SGCZ: variants seen among roughly 807,000 people sequenced by gnomAD.
The protein encoded by SGCZ is sarcoglycan zeta, also known as zeta-sarcoglycan.
Under a neutral mutation model 41.3 loss-of-function variants are expected in SGCZ, and 40 were observed. The ratio of observed to expected loss-of-function variants is 0.97; its 90% CI spans 0.75 to 1.26. The LOEUF (loss-of-function observed/expected upper bound fraction) is 1.26. Ranked by LOEUF, SGCZ falls within the 50% of genes most tolerant of loss-of-function variation. The probability of loss-of-function intolerance (pLI) is 0.00; values close to 1 mark genes in which losing one functional copy is unlikely to be tolerated. For missense variants in SGCZ, 552 were observed against 369.8 expected, an observed-to-expected ratio of 1.49 and a Z score of -4.04; for synonymous variants, 206 against 137.5, an observed-to-expected ratio of 1.50 and a Z score of -3.49.
intron 1 of SGCZ, among the ~76,000 whole-genome samples, chr8:14,928,884 C>A (rs1585387191): frequency 6.6e-6 from 1 of 151,996 alleles, no homozygotes; most frequent in Admixed American, 6.6e-5. Context: ...CCTATTATAC[C>A]ATCTCTCAAA....
chr8:15,203,316 C>T (rs1414703720), intron 1 of SGCZ, among the ~76,000 whole-genome samples: 1 of 151,998 alleles, frequency 6.6e-6, no homozygotes, highest in Non-Finnish European at 1.5e-5. Context: ...TCTATTTCTC[C>T]TGGGATAACA....
chr8:15,120,247 T>C (rs1228933983), intron 1 of SGCZ, among the ~76,000 whole-genome samples: 3 of 152,248 alleles, frequency 2.0e-5, no homozygotes, highest in African/African-American at 7.2e-5. Flanking sequence ...CTTGGGATTG[T>C]TATATTTCAA....
intron 2 of SGCZ, among the ~76,000 whole-genome samples, chr8:14,489,915 G>T (rs1439264317): frequency 1.4e-5 from 2 of 143,238 alleles, no homozygotes; most frequent in Non-Finnish European, 3.0e-5. Context: ...CGCCCAGACT[G>T]GAGTACAAGT....
chr8:14,539,417 A>T (rs575873888), intron 2 of SGCZ, among the ~76,000 whole-genome samples: 1 of 152,104 alleles, frequency 6.6e-6, no homozygotes, highest in South Asian at 2.1e-4. Flanking sequence ...GGGGTCAGGG[A>T]AGGCTAGGGA....
intron 2 of SGCZ, among the ~76,000 whole-genome samples, chr8:14,327,037 T>C (rs993905603): frequency 3.3e-5 from 5 of 152,168 alleles, no homozygotes; most frequent in Admixed American, 3.3e-4. Flanking sequence ...ATTTTTCTCA[T>C]TGAAGCATGA....
intron 5 of SGCZ, among the ~76,000 whole-genome samples, chr8:14,140,433 C>A (rs1298991197): frequency 6.6e-6 from 1 of 152,158 alleles, no homozygotes; most frequent in Non-Finnish European, 1.5e-5. Context: ...ATCATCTCAG[C>A]CCAAAATCTC....
At chr8:14,970,214 G>A (rs903735085) in intron 1 of SGCZ, among the ~76,000 whole-genome samples, 2 of 151,998 alleles carry the variant, frequency 1.3e-5, no homozygotes, top group Non-Finnish European at 2.9e-5. Context: ...GTTTACTTTT[G>A]TTATTGTTGA....
rs557716037 is a variant in SGCZ, at chr8:15,195,647, C to A, written c.39+41938G>T. 1.1e-4 allele frequency among the ~76,000 whole-genome samples: 17 copies of A among 152,242 alleles called. No individual in the cohort carries two copies. The South Asian group carries it at 3.5e-3, about 32-fold the overall frequency. ...AGTGTGCCACCCCAGTGAAATACTT[C>A]TATAAGGCAACTAAACGTCTCTCTG... On this transcript the variant is annotated intron_variant, in intron 1 of 7. Transcript: ENST00000382080.
chr8:15,231,358 C>A (rs1483517279), intron 1 of SGCZ, among the ~76,000 whole-genome samples: 1 of 152,050 alleles, frequency 6.6e-6, no homozygotes, highest in African/African-American at 2.4e-5. Context: ...ATTTTTCAGT[C>A]AACGTACAAA....
At chr8:14,367,426 C>T (rs905196324) in intron 2 of SGCZ, among the ~76,000 whole-genome samples, 2 of 152,076 alleles carry the variant, frequency 1.3e-5, no homozygotes, top group Non-Finnish European at 2.9e-5. Context: ...TGAGCTCTCT[C>T]TATAGCAGCA....
intron 5 of SGCZ, among the ~76,000 whole-genome samples, chr8:14,153,255 T>G (rs1803765589): frequency 6.6e-6 from 1 of 152,236 alleles, no homozygotes; most frequent in Non-Finnish European, 1.5e-5. Context: ...TTATAATCAG[T>G]GTTTAGGTAG....
At chr8:14,103,194 G>T (rs1445258855) in intron 6 of SGCZ, among the ~76,000 whole-genome samples, 2 of 152,170 alleles carry the variant, frequency 1.3e-5, no homozygotes, top group Non-Finnish European at 1.5e-5. Flanking sequence ...ACATAAATTA[G>T]GAGGGCAAGA....
intron 1 of SGCZ, among the ~76,000 whole-genome samples, chr8:14,716,320 GC>G (rs561390336): frequency 3.0e-4 from 45 of 152,052 alleles, no homozygotes; most frequent in Non-Finnish European, 6.0e-4. Context: ...AACAATGAGA[GC>G]AAAATCATAA....
At chr8:14,981,092 C>T (rs1282601654) in intron 1 of SGCZ, among the ~76,000 whole-genome samples, 2 of 152,106 alleles carry the variant, frequency 1.3e-5, no homozygotes, top group Non-Finnish European at 2.9e-5. Flanking sequence ...TCAGAAATCT[C>T]CTACCAACTC....
intron 1 of SGCZ, among the ~76,000 whole-genome samples, chr8:14,595,449 C>T (rs1003485570): frequency 2.2e-5 from 3 of 134,694 alleles, no homozygotes; most frequent in African/African-American, 7.9e-5. Flanking sequence ...ACACCATGTA[C>T]TGATGGGTGG....
intron 2 of SGCZ, among the ~76,000 whole-genome samples, chr8:14,540,116 C>T (rs1213373213): frequency 6.6e-6 from 1 of 151,446 alleles, no homozygotes; most frequent in Non-Finnish European, 1.5e-5. Context: ...CAGAGAAGGT[C>T]CTTTGTGTAT....
intron 1 of SGCZ, among the ~76,000 whole-genome samples, chr8:14,904,501 A>C (rs1799067214): frequency 6.6e-6 from 1 of 152,070 alleles, no homozygotes; most frequent in Non-Finnish European, 1.5e-5. Flanking sequence ...TATTTCTGTA[A>C]ACTAGAAGCA....
intron 2 of SGCZ, among the ~76,000 whole-genome samples, chr8:14,529,351 A>T (rs11996763): frequency 0.035 from 5,329 of 152,200 alleles, 310 homozygotes; most frequent in African/African-American, 0.12. Flanking sequence ...CCTGCTGACT[A>T]CAATTTTACC....
In SGCZ at chr8:15,083,959, T is replaced by C. The variant is rs536517965; in HGVS notation, c.39+153626A>G. Reference sequence around the variant, plus strand: ...CTTGACTTTTAAGATTGCTGCGTTCTAGTCCTTTACATTCAGTTATCATTT... The same window carrying C: ...CTTGACTTTTAAGATTGCTGCGTTCCAGTCCTTTACATTCAGTTATCATTT... On this transcript the variant is annotated intron_variant, in intron 1 of 7. Coordinates refer to ENST00000382080, the MANE Select transcript of SGCZ (RefSeq NM_139167.4). Among the ~76,000 whole-genome samples the C allele has an allele frequency of 2.6e-5, 4 of 151,458 alleles. No individual in the cohort carries two copies. The East Asian group carries it at 5.9e-4, about 22-fold the overall frequency.
Sources: allele counts gnomAD v4.1 joint callset (sites outside exome capture counted in the v4.1 genomes callset), GRCh38; gene constraint gnomAD v4.1.1; transcripts MANE v1.5; gene names NCBI Gene and HGNC (gene_info 2026-07-23, HGNC 2026-07-21).